The following SRGAP1 variants were observed in gnomAD, a reference collection of about 807,000 sequenced individuals.
The protein encoded by SRGAP1 is SLIT-ROBO Rho GTPase-activating protein 1.
Under a neutral mutation model 121.9 loss-of-function variants are expected in SRGAP1, and 43 were observed. The observed-to-expected ratio is 0.35, with a 90% confidence interval of 0.28 to 0.46. The LOEUF is 0.46. Among genes scored for constraint, SRGAP1 ranks in the 20% least tolerant of loss-of-function variants. The pLI is 1.00. For synonymous variants in SRGAP1, 447 were observed against 485.4 expected (o/e 0.92, Z 1.04); for missense variants, 1,102 against 1,350.9 (o/e 0.82, Z 2.89).
At chr12:64,129,514 A>G (rs1010946700) in intron 21 of SRGAP1, among the ~76,000 whole-genome samples, 2 of 152,134 alleles carry the variant, frequency 1.3e-5, no homozygotes, top group Non-Finnish European at 2.9e-5. Context: ...CAGGAGTAAC[A>G]CTTTGCATCC....
intron 15 of SRGAP1, among the ~76,000 whole-genome samples, chr12:64,105,761 A>G: frequency 6.6e-6 from 1 of 152,024 alleles, no homozygotes; most frequent in East Asian, 1.9e-4. Flanking sequence ...TCCAGCCTGG[A>G]TGACAGAGTA....
At chr12:64,063,946 T>TTA (rs991940763) in intron 7 of SRGAP1, among the ~76,000 whole-genome samples, 26 of 151,318 alleles carry the variant, frequency 1.7e-4, no homozygotes, top group Admixed American at 4.6e-4. Flanking sequence ...TATATATATT[T>TTA]TATATATATA....
intron 1 of SRGAP1, among the ~76,000 whole-genome samples, chr12:63,859,437 G>A (rs982462769): frequency 5.9e-5 from 9 of 152,180 alleles, no homozygotes; most frequent in Admixed American, 2.0e-4. Context: ...AAAGTGCTGG[G>A]ATTACAGGTG....
chr12:64,160,416 G>A lies in SRGAP1; in HGVS notation c.*17744G>A, dbSNP rs1344701931. 1 of 152,178 alleles carries A rather than the reference G, an allele frequency of 6.6e-6. No individual in the cohort carries two copies. Among genetic ancestry groups the A allele is most frequent in the Non-Finnish European group, 1.5e-5 (1 of 68,026 alleles). The allele number at this position is 152,178 out of a possible 1,614,324, so 9.4% of individuals were successfully genotyped here. On this transcript the variant is annotated 3_prime_UTR_variant, in exon 22 of 22. Coordinates refer to ENST00000355086, the MANE Select transcript of SRGAP1 (RefSeq NM_020762.4). ...CTTAGGATGTTAACTTAAAATCAAT[G>A]TGGTCAAGGAAAGGAGGAAAAATAT... is the stretch of plus-strand genomic sequence containing the variant.
chr12:64,125,900 A>G, intron 18 of SRGAP1, 77 bp from the exon 19 acceptor site: 1 of 1,468,350 alleles, frequency 6.8e-7, no homozygotes, highest in Non-Finnish European at 9.3e-7. Context: ...TTGAAGCCTC[A>G]TAGAGCCCTC....
intron 1 of SRGAP1, among the ~76,000 whole-genome samples, chr12:63,980,386 T>C (rs1461575831): frequency 1.3e-5 from 2 of 152,204 alleles, no homozygotes; most frequent in Non-Finnish European, 2.9e-5. Context: ...GACACAAATT[T>C]ATGCGACCAA....
At chr12:63,933,916 A>G (rs2031569581) in intron 1 of SRGAP1, among the ~76,000 whole-genome samples, 2 of 152,230 alleles carry the variant, frequency 1.3e-5, no homozygotes, top group Admixed American at 1.3e-4. Flanking sequence ...TGTCACAACA[A>G]TGTTAATAAA....
intron 12 of SRGAP1, among the ~76,000 whole-genome samples, chr12:64,092,501 CATAT>C (rs200517261): frequency 0.027 from 4,004 of 149,598 alleles, 117 homozygotes; most frequent in African/African-American, 0.077. Context: ...TACATACATA[CATAT>C]GTACATAGAT....
At chr12:63,994,158 C>A (rs1159645454) in intron 3 of SRGAP1, among the ~76,000 whole-genome samples, 2 of 152,130 alleles carry the variant, frequency 1.3e-5, no homozygotes, top group Non-Finnish European at 2.9e-5. Flanking sequence ...TATGGAAAAC[C>A]ACTTAGCCTA....
Position 64,159,142 on chromosome 12 carries a change from G to GGGCA in SRGAP1, c.*16470_*16471insGGCA, listed in dbSNP as rs2037190803. 4.6e-5 allele frequency: 7 copies of GGGCA among 152,388 alleles called. No homozygotes were observed. The highest frequency in any genetic ancestry group is 1.7e-4 in the African/African-American group (7 of 41,324). The allele number at this position is 152,388 out of a possible 1,614,324, so 9.4% of individuals were successfully genotyped here. On this transcript the variant is annotated 3_prime_UTR_variant, in exon 22 of 22. Transcript: ENST00000355086. ...AAGACCAGCCTGGGCAACATAGCAA[G>GGGCA]ACCCCATCCCTACAAAACAGTTTTT...
At chr12:63,979,810 G>T (rs1008741378) in intron 1 of SRGAP1, among the ~76,000 whole-genome samples, 4 of 152,162 alleles carry the variant, frequency 2.6e-5, no homozygotes, top group African/African-American at 9.7e-5. Flanking sequence ...CCTCTAAAAA[G>T]GGGTGGGAGC....
At chr12:63,849,468 T>A (rs1565919474) in intron 1 of SRGAP1, among the ~76,000 whole-genome samples, 2 of 152,248 alleles carry the variant, frequency 1.3e-5, no homozygotes, top group Non-Finnish European at 2.9e-5. Flanking sequence ...TTATTTGTAG[T>A]ATTTTCCTAG....
At chr12:63,956,325 AGATT>A (rs1419192063) in intron 1 of SRGAP1, among the ~76,000 whole-genome samples, 1 of 152,164 alleles carries the variant, frequency 6.6e-6, no homozygotes, top group Non-Finnish European at 1.5e-5. Flanking sequence ...TCAGCCTTCC[AGATT>A]GCTGGGAATA....
chr12:63,867,128 AG>A (rs1003390456), intron 1 of SRGAP1, among the ~76,000 whole-genome samples: 54 of 152,196 alleles, frequency 3.5e-4, no homozygotes, highest in African/African-American at 1.3e-3. Flanking sequence ...TGGGATTACA[AG>A]TGTGAGCCAC....
At chr12:63,884,053 C>T (rs1900287152) in intron 1 of SRGAP1, among the ~76,000 whole-genome samples, 1 of 149,176 alleles carries the variant, frequency 6.7e-6, no homozygotes, top group Non-Finnish European at 1.5e-5. Flanking sequence ...GGAGGCTAGG[C>T]GGGCGGATCA....
chr12:63,845,404 T>C (rs968755987), intron 1 of SRGAP1, among the ~76,000 whole-genome samples: 5 of 152,286 alleles, frequency 3.3e-5, no homozygotes, highest in Admixed American at 2.6e-4. Context: ...ACCCCTTTTA[T>C]TAAATAGCTC....
At chr12:63,898,589 A>G (rs1900829683) in intron 1 of SRGAP1, among the ~76,000 whole-genome samples, 1 of 152,208 alleles carries the variant, frequency 6.6e-6, no homozygotes, top group South Asian at 2.1e-4. Flanking sequence ...GGAGATTTAC[A>G]TTACATAAAT....
chr12:64,153,617 T>C lies in SRGAP1; in HGVS notation c.*10945T>C, dbSNP rs2037140712. ...CAATGAGATATCACCTCATACCCATTAGGATGGCCACTCTCAAATGATCAA... is the reference window on the plus strand; with the variant it reads ...CAATGAGATATCACCTCATACCCATCAGGATGGCCACTCTCAAATGATCAA... On this transcript the variant is annotated 3_prime_UTR_variant, in exon 22 of 22. Transcript: ENST00000355086. 1 of 152,030 alleles carries C rather than the reference T, an allele frequency of 6.6e-6. No homozygotes were observed. Among genetic ancestry groups the C allele is most frequent in the Non-Finnish European group, 1.5e-5 (1 of 68,008 alleles). 9.4% of individuals were successfully genotyped at this position (152,030 alleles called of 1,614,324 possible). A position where few individuals can be genotyped will look rare whatever the true frequency, so the allele number is the denominator to read the frequency against.
chr12:64,023,063 T>C (rs1206829000), intron 4 of SRGAP1, among the ~76,000 whole-genome samples: 1 of 152,104 alleles, frequency 6.6e-6, no homozygotes, highest in Non-Finnish European at 1.5e-5. Flanking sequence ...GCCCTCTTTA[T>C]CAGTGAAATG....
Sources: gnomAD v4.1 joint callset for allele counts (sites outside exome capture counted in the v4.1 genomes callset) on GRCh38, gnomAD v4.1.1 for gene constraint, MANE v1.5 for transcripts, NCBI Gene and HGNC (gene_info 2026-07-23, HGNC 2026-07-21) for gene names.